CACYBP: variants seen among roughly 807,000 people sequenced by gnomAD.
The protein encoded by CACYBP is calcyclin binding protein.
A neutral mutation model predicts 29.6 loss-of-function variants in CACYBP; 11 were observed. The observed-to-expected ratio is 0.37, with a 90% CI of 0.23 to 0.61. The LOEUF is 0.61. Ranked by LOEUF, CACYBP falls within the 20% of genes least tolerant of loss-of-function variation. CACYBP has a pLI of 0.65. For missense variants in CACYBP, 163 were observed against 260.7 expected (o/e 0.63, Z 2.58); for synonymous variants, 73 against 88.3 (o/e 0.83, Z 0.97).
Position 175,007,192 on chromosome 1 carries a change from A to T in CACYBP, c.427A>T (p.Lys143Ter). 6.3e-7 allele frequency: 1 copy of T among 1,596,728 alleles called. No individual in the cohort carries two copies. The highest frequency in any genetic ancestry group is 1.1e-5 in the South Asian group (1 of 90,048). ...LKPISVEGSS[K>*]KVKTDTVLIL... ...ACCCATCTCTGTGGAAGGCAGTTCA[A>T]AAAAAGTGAGTGTGCTTTTTTTGAT... Residue 143 changes from lysine to a stop codon, truncating the protein, a stop_gained, in exon 4 of 6, where the codon AAA (lysine) becomes TAA (stop). Transcript: ENST00000367679. LOFTEE classifies it high-confidence loss of function.
chr1:175,009,643 C>CCTCA (rs1158607419), intron 5 of CACYBP, among the ~76,000 whole-genome samples: 1 of 100,506 alleles, frequency 9.9e-6, no homozygotes, highest in Non-Finnish European at 1.9e-5. Context: ...AGGACTGTCT[C>CCTCA]AAAAAAAAAA....
chr1:175,002,006 A>C (rs1438192859), intron 1 of CACYBP, among the ~76,000 whole-genome samples: 1 of 152,166 alleles, frequency 6.6e-6, no homozygotes, highest in Non-Finnish European at 1.5e-5. Flanking sequence ...TCGGCCTCTG[A>C]AAGTGCTGGG....
chr1:175,003,433 T>A (rs910105987), intron 1 of CACYBP, among the ~76,000 whole-genome samples: 8 of 152,318 alleles, frequency 5.3e-5, no homozygotes, highest in African/African-American at 1.7e-4. Context: ...TTGAACTTTT[T>A]ATACCATGTC....
intron 1 of CACYBP, among the ~76,000 whole-genome samples, chr1:175,001,158 G>T (rs1672477413): frequency 6.6e-6 from 1 of 152,326 alleles, no homozygotes; most frequent in Middle Eastern, 3.4e-3. Context: ...TGGGTATCTT[G>T]TGACAAGTCT....
chr1:175,000,325 C>T, intron 1 of CACYBP, 130 bp downstream of exon 1: 1 of 1,476,788 alleles, frequency 6.8e-7, no homozygotes. Context: ...CAGTGCGCCG[C>T]CTTCCCGGGG....
At chr1:175,008,934 A>T in intron 5 of CACYBP, 3 of 434,490 alleles carry the variant, frequency 6.9e-6, no homozygotes, top group Non-Finnish European at 1.2e-5. Flanking sequence ...AACTGTGCCC[A>T]TTCCCAGATA....
At chr1:175,004,510 CTTAA>C in intron 1 of CACYBP, 100 bp from the exon 2 acceptor site, 1 of 683,866 alleles carries the variant, frequency 1.5e-6, no homozygotes, top group Non-Finnish European at 2.4e-6. Flanking sequence ...AGATGAACTT[CTTAA>C]TTCTTAGTGC....
In CACYBP at chr1:175,008,599, T is replaced by G. The variant is rs748535167; in HGVS notation, c.433-10T>G. ...TCTAAGCTGTATTTGTTTTCCTGCT[T>G]TTCTTCCAGGTCAAGACTGATACAG... On this transcript the variant is annotated splice_polypyrimidine_tract_variant and intron_variant, in intron 4 of 5. Transcript: ENST00000367679. The G allele has an allele frequency of 8.3e-6, 11 of 1,331,482 alleles. No individual in the cohort carries two copies. The African/African-American group carries it at 1.6e-4, about 19-fold the overall frequency. 82.5% of individuals were successfully genotyped at this position (1,331,482 alleles called of 1,614,324 possible).
At chr1:175,008,295 CTGACCTTAGGCTT>C (rs1452606734) in intron 4 of CACYBP, among the ~76,000 whole-genome samples, 2 of 152,276 alleles carry the variant, frequency 1.3e-5, no homozygotes, top group South Asian at 2.1e-4. Flanking sequence ...CTGCCTTCTC[CTGACCTTAGGCTT>C]CGGCTCAGAT....
In CACYBP at chr1:175,010,091, C is replaced by A. The variant is rs367628097; in HGVS notation, c.*12C>A. 12 of 1,609,608 alleles carry A rather than the reference C, an allele frequency of 7.5e-6. No individual in the cohort carries two copies. The South Asian group carries it at 1.2e-4, about 16-fold the overall frequency. ...ACACGGAATTTTGAGACTTTAAAGT[C>A]GTTTTGGGAACTGTGATGTGATGTG... On this transcript the variant is annotated 3_prime_UTR_variant, in exon 6 of 6. Coordinates refer to ENST00000367679, the MANE Select transcript of CACYBP (RefSeq NM_014412.3).
rs1368143987 is a variant in CACYBP, at chr1:175,010,776, C to G, written c.*697C>G. The G allele has an allele frequency of 6.6e-6, 1 of 152,130 alleles. No individual in the cohort carries two copies. The highest frequency in any genetic ancestry group is 1.5e-5 in the Non-Finnish European group (1 of 68,030). The allele number at this position is 152,130 out of a possible 1,614,324, so 9.4% of individuals were successfully genotyped here. A position where few individuals can be genotyped will look rare whatever the true frequency, so the allele number is the denominator to read the frequency against. ...TTGAAAGCCCGTCTATTCCTATGCT[C>G]AATAAAGTTAAGTTTTTCTTCATTA... On this transcript the variant is annotated 3_prime_UTR_variant, in exon 6 of 6. Transcript: ENST00000367679.
chr1:175,001,677 AAAT>A (rs1239468687), intron 1 of CACYBP, among the ~76,000 whole-genome samples: 4 of 152,258 alleles, frequency 2.6e-5, no homozygotes, highest in Non-Finnish European at 5.9e-5. Context: ...CTTTATGGCT[AAAT>A]AATATTCTAT....
chr1:175,009,930 T>C lies in CACYBP; in HGVS notation c.538T>C (p.Ser180Pro). The part of the protein sequence containing the change: ...EKECKEKEKP[S>P]YDTETDPSEG... ...TATGTTTTCTTTTTAAAGGAAGCCC[T>C]CCTATGACACTGAAACAGATCCTAG... The change falls in exon 6 of 6, where the codon TCC becomes CCC. Residue 180 changes from serine to proline, a missense_variant. Transcript: ENST00000367679. 1 of 1,609,398 alleles carries C rather than the reference T, an allele frequency of 6.2e-7. No homozygotes were observed. Among genetic ancestry groups the C allele is most frequent in the Non-Finnish European group, 8.5e-7 (1 of 1,178,150 alleles).
intron 1 of CACYBP, 36 bp downstream of exon 1, chr1:175,000,231 G>T (rs1444319519): frequency 1.9e-6 from 3 of 1,585,792 alleles, no homozygotes; most frequent in East Asian, 2.4e-5. Flanking sequence ...TATGCCCCCC[G>T]GCTGGAGCTG....
chr1:175,009,787 C>T (rs1195534286), intron 5 of CACYBP, 136 bp from the exon 6 acceptor site: 10 of 601,116 alleles, frequency 1.7e-5, no homozygotes, highest in South Asian at 5.4e-5. Flanking sequence ...TTGTGCGTGC[C>T]GTTTTGATTG....
upstream of CACYBP, chr1:174,999,740 C>T: frequency 3.8e-6 from 1 of 265,668 alleles, no homozygotes; most frequent in East Asian, 1.5e-4. Context: ...GCTGCGACTG[C>T]GCAGCGTGGC....
At chr1:175,003,242 C>T (rs1672534589) in intron 1 of CACYBP, among the ~76,000 whole-genome samples, 3 of 151,962 alleles carry the variant, frequency 2.0e-5, no homozygotes, top group Non-Finnish European at 4.4e-5. Context: ...CCTCAGCTTC[C>T]CGAGTAGCTG....
intron 1 of CACYBP, among the ~76,000 whole-genome samples, chr1:175,000,812 A>G (rs1192085042): frequency 6.6e-6 from 1 of 152,248 alleles, no homozygotes; most frequent in Non-Finnish European, 1.5e-5. Flanking sequence ...TAACTTGGAA[A>G]GTTAGTTGTA....
chr1:175,007,196 A>C lies in CACYBP; in HGVS notation c.431A>C (p.Lys144Thr). 1 of 1,588,924 alleles carries C rather than the reference A, an allele frequency of 6.3e-7. No individual in the cohort carries two copies. Among genetic ancestry groups the C allele is most frequent in the Non-Finnish European group, 8.6e-7 (1 of 1,158,746 alleles). ...KPISVEGSSK[K>T]VKTDTVLILC... ...ATCTCTGTGGAAGGCAGTTCAAAAA[A>C]AGTGAGTGTGCTTTTTTTGATTGTA... Residue 144 changes from lysine (K) to threonine (T), a missense_variant and splice_region_variant, in exon 4 of 6, where the codon AAA becomes ACA. By Grantham distance (78) the Lys-to-Thr change is moderately conservative (BLOSUM62 -1). Transcript: ENST00000367679.
Sources: gnomAD v4.1 joint callset for allele counts (sites outside exome capture counted in the v4.1 genomes callset) on GRCh38, gnomAD v4.1.1 for gene constraint, MANE v1.5 for transcripts, NCBI Gene and HGNC (gene_info 2026-07-23, HGNC 2026-07-21) for gene names.